Variants in SULT1C3 observed in about 807,000 individuals in gnomAD.
SULT1C3 encodes the protein sulfotransferase family 1C member 3.
Under a neutral mutation model 28.4 loss-of-function variants are expected in SULT1C3, and 31 were observed. That is an observed-to-expected ratio of 1.09 (90% CI 0.82 to 1.47). The LOEUF (loss-of-function observed/expected upper bound fraction) is 1.47, where lower values mean the gene tolerates loss of function less well. Among genes scored for constraint, SULT1C3 ranks in the 40% most tolerant of loss-of-function variants. The pLI is 0.00. For missense variants in SULT1C3, 307 were observed against 272.5 expected (o/e 1.13, Z -0.89); for synonymous variants, 106 against 92.2 (o/e 1.15, Z -0.86).
At chr2:108,245,087 A>G (rs1475313483) in intron 1 of SULT1C3, among the ~76,000 whole-genome samples, 4 of 152,094 alleles carry the variant, frequency 2.6e-5, no homozygotes, top group Non-Finnish European at 4.4e-5. Context: ...AAGGATGGAG[A>G]AGAAAACAGT....
At chr2:108,254,723 A>ATATG (rs1553415370) in intron 4 of SULT1C3, among the ~76,000 whole-genome samples, 2 of 142,584 alleles carry the variant, frequency 1.4e-5, no homozygotes, top group Non-Finnish European at 3.0e-5. Context: ...GTATGTATAT[A>ATATG]TATGTATATA....
At chr2:108,244,662 C>T (rs1462291312) in intron 1 of SULT1C3, among the ~76,000 whole-genome samples, 1 of 152,152 alleles carries the variant, frequency 6.6e-6, no homozygotes, top group Non-Finnish European at 1.5e-5. Flanking sequence ...TTTTGGAAAG[C>T]TTCTATATAG....
chr2:108,247,464 A>AT (rs1342640312), intron 2 of SULT1C3, 98 bp downstream of exon 2: 3 of 1,153,748 alleles, frequency 2.6e-6, no homozygotes, highest in East Asian at 2.8e-5. Context: ...TTGGAGAGAA[A>AT]CAATTCCTCA....
At chr2:108,240,994 C>T (rs1675448714) in intron 1 of SULT1C3, among the ~76,000 whole-genome samples, 1 of 152,160 alleles carries the variant, frequency 6.6e-6, no homozygotes, top group Non-Finnish European at 1.5e-5. Context: ...TAAAGCCGAG[C>T]CCAGCCATGG....
intron 5 of SULT1C3, 51 bp downstream of exon 5, chr2:108,255,749 T>C: frequency 6.3e-7 from 1 of 1,580,740 alleles, no homozygotes; most frequent in Non-Finnish European, 8.6e-7. Context: ...ACTCTAACAA[T>C]AAGCACCTCT....
At chr2:108,241,818 T>C (rs1248492375) in intron 1 of SULT1C3, among the ~76,000 whole-genome samples, 1 of 151,510 alleles carries the variant, frequency 6.6e-6, no homozygotes. Flanking sequence ...TCCCAGCTAC[T>C]CAGGAGGCTG....
intron 1 of SULT1C3, among the ~76,000 whole-genome samples, chr2:108,242,502 G>T (rs1177873437): frequency 6.6e-6 from 1 of 152,160 alleles, no homozygotes; most frequent in Non-Finnish European, 1.5e-5. Flanking sequence ...TTAGTGGAGG[G>T]TGGGGATGTT....
At chr2:108,260,544 A>G in intron 7 of SULT1C3, 24 bp from the exon 8 acceptor site, 1 of 506,802 alleles carries the variant, frequency 2.0e-6, no homozygotes, top group Non-Finnish European at 3.9e-6. Flanking sequence ...AGAGTCTGTC[A>G]TGAACTTCTT....
chr2:108,261,473 A>T (rs1676026471), downstream of SULT1C3, among the ~76,000 whole-genome samples: 1 of 152,156 alleles, frequency 6.6e-6, no homozygotes, highest in Non-Finnish European at 1.5e-5. Context: ...ATGACCTCAG[A>T]TTTAATATAA....
downstream of SULT1C3, among the ~76,000 whole-genome samples, chr2:108,262,365 T>C (rs1676042895): frequency 6.6e-6 from 1 of 152,194 alleles, no homozygotes; most frequent in African/African-American, 2.4e-5. Context: ...TTTCTACTAA[T>C]TGAAAAGCAA....
At chr2:108,241,083 G>GAA (rs1273252069) in intron 1 of SULT1C3, among the ~76,000 whole-genome samples, 1 of 152,226 alleles carries the variant, frequency 6.6e-6, no homozygotes, top group East Asian at 1.9e-4. Context: ...AGACCTGTTA[G>GAA]AAAGTGACAT....
chr2:108,262,628 C>G (rs896579489), downstream of SULT1C3, among the ~76,000 whole-genome samples: 21 of 152,148 alleles, frequency 1.4e-4, no homozygotes, highest in African/African-American at 4.6e-4. Context: ...AAGCTACAAA[C>G]AGAGTTGCTG....
At chr2:108,243,817 C>G (rs1675523248) in intron 1 of SULT1C3, among the ~76,000 whole-genome samples, 1 of 152,156 alleles carries the variant, frequency 6.6e-6, no homozygotes, top group Admixed American at 6.5e-5. Context: ...AATCAGCTAG[C>G]ACCACCCGAT....
At chr2:108,253,257 TCA>T in intron 3 of SULT1C3, 86 bp from the exon 4 acceptor site, 1 of 788,484 alleles carries the variant, frequency 1.3e-6, no homozygotes, top group Non-Finnish European at 1.8e-6. Context: ...CAAAATATAA[TCA>T]CTCTACAGAC....
downstream of SULT1C3, among the ~76,000 whole-genome samples, chr2:108,262,698 T>C (rs979651178): frequency 2.6e-5 from 4 of 152,220 alleles, no homozygotes; most frequent in African/African-American, 9.6e-5. Flanking sequence ...ATTTTGGCTA[T>C]GGGCTACTAA....
Position 108,255,585 on chromosome 2 carries a change from C to T in SULT1C3, c.413C>T (p.Ala138Val). Residue 138 changes from alanine to valine, a missense_variant, in exon 5 of 8, where the codon GCC (alanine) becomes GTC (valine). Ala to Val is a moderately conservative substitution (Grantham distance 64). Transcript: ENST00000681802. ...CCTTGATTTCAGATTGTCTATGTGG[C>T]CAGAAATCCCAAGGATTGCCTGGTG... ...WKENCKIVYV[A>V]RNPKDCLVSY... 1 of 1,611,278 alleles carries T rather than the reference C, an allele frequency of 6.2e-7. No homozygotes were observed. Among genetic ancestry groups the T allele is most frequent in the Non-Finnish European group, 8.5e-7 (1 of 1,178,248 alleles).
intron 5 of SULT1C3, among the ~76,000 whole-genome samples, chr2:108,258,492 G>A (rs570733065): frequency 2.6e-5 from 4 of 152,200 alleles, no homozygotes; most frequent in African/African-American, 4.8e-5. Flanking sequence ...TTTTATTGCC[G>A]AATGTTTTAA....
chr2:108,262,404 G>T (rs115813068), downstream of SULT1C3, among the ~76,000 whole-genome samples: 223 of 152,248 alleles, frequency 1.5e-3, no homozygotes, highest in African/African-American at 4.9e-3. Flanking sequence ...GACATTTCCT[G>T]TACTAACCTT....
At chr2:108,262,188 C>T (rs1387105427), downstream of SULT1C3, among the ~76,000 whole-genome samples, 1 of 152,106 alleles carries the variant, frequency 6.6e-6, no homozygotes, top group Non-Finnish European at 1.5e-5. Flanking sequence ...AGTCAATGCA[C>T]TGGAAGACTG....
Sources: gnomAD v4.1 joint callset for allele counts (sites outside exome capture counted in the v4.1 genomes callset) on GRCh38, gnomAD v4.1.1 for gene constraint, MANE v1.5 for transcripts, NCBI Gene and HGNC (gene_info 2026-07-23, HGNC 2026-07-21) for gene names.